LGR5: variants seen among roughly 807,000 people sequenced by gnomAD.
LGR5 encodes the protein leucine rich repeat containing G protein-coupled receptor 5.
Under a neutral mutation model 76.7 loss-of-function variants are expected in LGR5, and 54 were observed. That is an observed-to-expected ratio of 0.70 (90% confidence interval 0.57 to 0.88). The LOEUF is 0.88. Ranked by LOEUF, LGR5 falls within the 40% of genes least tolerant of loss-of-function variation. LGR5 has a pLI of 0.00. For synonymous variants in LGR5, 406 were observed against 421.9 expected (o/e 0.96, Z 0.46); for missense variants, 1,078 against 1,073.3 (o/e 1.00, Z -0.06).
At chr12:71,442,545 A>T (rs992229322) in intron 1 of LGR5, among the ~76,000 whole-genome samples, 2 of 152,228 alleles carry the variant, frequency 1.3e-5, no homozygotes, top group African/African-American at 4.8e-5. Context: ...TTCTAATGCA[A>T]CACAGTTCAG....
chr12:71,566,630 A>G lies in LGR5; in HGVS notation c.930-2A>G, dbSNP rs772539650. 6.8e-6 allele frequency: 11 copies of G among 1,611,110 alleles called. No individual in the cohort carries two copies. Among genetic ancestry groups the G allele is most frequent in the South Asian group, 6.6e-5 (6 of 91,034 alleles). ...GTAATACTTATATACTCCTCTTTCT[A>G]GGACTCTGAATGGTGCCTCACAAAT... is the stretch of plus-strand genomic sequence containing the variant. On this transcript the variant is annotated splice_acceptor_variant, in intron 9 of 17. Coordinates refer to ENST00000266674, the MANE Select transcript of LGR5 (RefSeq NM_003667.4). LOFTEE classifies it high-confidence loss of function.
chr12:71,558,280 AT>A (rs1877877307), intron 6 of LGR5, among the ~76,000 whole-genome samples: 2 of 152,310 alleles, frequency 1.3e-5, no homozygotes, highest in Non-Finnish European at 2.9e-5. Context: ...ATGGGCTTTG[AT>A]GGGTATTTCC....
At chr12:71,520,703 A>T (rs1307289296) in intron 2 of LGR5, among the ~76,000 whole-genome samples, 1 of 128,864 alleles carries the variant, frequency 7.8e-6, no homozygotes, top group African/African-American at 2.9e-5. Flanking sequence ...AACATCACAC[A>T]CCGGGGCCTG....
intron 1 of LGR5, among the ~76,000 whole-genome samples, chr12:71,486,642 T>C (rs1873839995): frequency 6.6e-6 from 1 of 152,166 alleles, no homozygotes; most frequent in African/African-American, 2.4e-5. Context: ...TAGGGCACAA[T>C]TGTGTTGTGC....
intron 6 of LGR5, 87 bp downstream of exon 6, chr12:71,556,777 T>C (rs1877792416): frequency 9.6e-7 from 1 of 1,044,678 alleles, no homozygotes; most frequent in Non-Finnish European, 1.5e-6. Context: ...CCAGACTTTG[T>C]TTGGTTTGGT....
At chr12:71,560,395 T>C (rs2137428152) in intron 7 of LGR5, among the ~76,000 whole-genome samples, 1 of 152,336 alleles carries the variant, frequency 6.6e-6, no homozygotes, top group Middle Eastern at 3.4e-3. Context: ...AAGGTCTTCA[T>C]CCCTGTCATC....
chr12:71,554,941 A>G (rs1335740590), intron 5 of LGR5, among the ~76,000 whole-genome samples: 3 of 151,998 alleles, frequency 2.0e-5, no homozygotes, highest in Non-Finnish European at 4.4e-5. Flanking sequence ...TCTTCTCACT[A>G]TTTCTCTCTT....
intron 6 of LGR5, among the ~76,000 whole-genome samples, chr12:71,557,803 C>A (rs560921485): frequency 1.3e-5 from 2 of 152,228 alleles, no homozygotes; most frequent in East Asian, 3.9e-4. Flanking sequence ...CATCCCTACC[C>A]TCACATTTTT....
intron 1 of LGR5, among the ~76,000 whole-genome samples, chr12:71,457,503 T>C (rs1006110029): frequency 6.6e-6 from 1 of 152,166 alleles, no homozygotes; most frequent in Non-Finnish European, 1.5e-5. Context: ...AAATACATCT[T>C]TTCTGCTCAT....
intron 1 of LGR5, among the ~76,000 whole-genome samples, chr12:71,458,576 G>A (rs1016646157): frequency 6.6e-6 from 1 of 152,058 alleles, no homozygotes; most frequent in Non-Finnish European, 1.5e-5. Context: ...ATGTAAGTCT[G>A]TTTGTACTTT....
chr12:71,508,075 A>AG lies in LGR5; in HGVS notation c.284+3390_284+3391insG, dbSNP rs199526804. Among the ~76,000 whole-genome samples the AG allele has an allele frequency of 5.6e-3, 852 of 151,602 alleles. 5 individuals are homozygous for AG. The highest frequency in any genetic ancestry group is 0.02 in the African/African-American group (810 of 41,328). On this transcript the variant is annotated intron_variant, in intron 2 of 17. Transcript: ENST00000266674. Reference sequence around the variant, plus strand: ...TCTACTAAAATACAAAAAAAAAAAAAAAAATTGTTGGGAGTAGTGGTGGGC... The same window carrying AG: ...TCTACTAAAATACAAAAAAAAAAAAAGAAAATTGTTGGGAGTAGTGGTGGGC...
At chr12:71,476,967 T>C (rs562782639) in intron 1 of LGR5, among the ~76,000 whole-genome samples, 1 of 152,190 alleles carries the variant, frequency 6.6e-6, no homozygotes, top group South Asian at 2.1e-4. Flanking sequence ...GAAAAGGAAC[T>C]TAAAAAGCAT....
In LGR5 at chr12:71,474,245, CA is replaced by C. The variant is rs375111844; in HGVS notation, c.213-30363del. Among the ~76,000 whole-genome samples the C allele has an allele frequency of 1.1e-4, 17 of 151,864 alleles. No homozygotes were observed. In the East Asian group the frequency reaches 3.3e-3, roughly 29 times the overall value. On this transcript the variant is annotated intron_variant, in intron 1 of 17. Coordinates refer to ENST00000266674, the MANE Select transcript of LGR5 (RefSeq NM_003667.4). ...GGATAAACAATTCAGAAATTAGAAC[CA>C]AAAAATAAAGCAAAGCTATCTATCA...
intron 1 of LGR5, among the ~76,000 whole-genome samples, chr12:71,496,885 TG>T (rs1874349230): frequency 5.3e-5 from 8 of 152,104 alleles, no homozygotes; most frequent in Admixed American, 3.9e-4. Context: ...AAAACTAATA[TG>T]AAACGTTAGA....
chr12:71,513,798 C>T (rs1875289635), intron 2 of LGR5, among the ~76,000 whole-genome samples: 2 of 152,210 alleles, frequency 1.3e-5, no homozygotes, highest in South Asian at 2.1e-4. Context: ...TATTCCTCAG[C>T]TGTTTCTAGT....
At chr12:71,541,491 T>C (rs754129953) in intron 4 of LGR5, among the ~76,000 whole-genome samples, 4 of 152,210 alleles carry the variant, frequency 2.6e-5, no homozygotes, top group Non-Finnish European at 4.4e-5. Context: ...ATGACTACCA[T>C]ATAAGTGAGG....
chr12:71,518,358 T>C (rs1298623051), intron 2 of LGR5, among the ~76,000 whole-genome samples: 1 of 152,168 alleles, frequency 6.6e-6, no homozygotes, highest in Admixed American at 6.5e-5. Context: ...TAACAGTTGC[T>C]GGCAAGATCG....
chr12:71,463,832 T>C (rs1376366587), intron 1 of LGR5, among the ~76,000 whole-genome samples: 1 of 151,992 alleles, frequency 6.6e-6, no homozygotes, highest in Non-Finnish European at 1.5e-5. Flanking sequence ...TATACATATA[T>C]GTATACATAT....
chr12:71,579,193 G>C (rs1375243875), intron 15 of LGR5, among the ~76,000 whole-genome samples: 2 of 151,994 alleles, frequency 1.3e-5, no homozygotes, highest in African/African-American at 2.4e-5. Flanking sequence ...TTGATCCATG[G>C]AATATATATA....
Sources: allele counts gnomAD v4.1 joint callset (sites outside exome capture counted in the v4.1 genomes callset), GRCh38; gene constraint gnomAD v4.1.1; transcripts MANE v1.5; gene names NCBI Gene and HGNC (gene_info 2026-07-23, HGNC 2026-07-21).